Variants in BRCA1 observed in about 807,000 individuals in gnomAD.
BRCA1 encodes the protein breast cancer type 1 susceptibility protein.
Under a neutral mutation model 173.7 loss-of-function variants are expected in BRCA1, and 140 were observed. The ratio of observed to expected loss-of-function variants is 0.81; its 90% CI spans 0.70 to 0.93. The LOEUF is 0.93. BRCA1 is among the 40% of genes least tolerant of loss of function. The probability of loss-of-function intolerance (pLI) is 0.00; values close to 1 mark genes in which losing one functional copy is unlikely to be tolerated. For synonymous variants in BRCA1, 662 were observed against 756.0 expected, an observed-to-expected ratio of 0.88 and a Z score of 2.04; for missense variants, 1,983 against 2,172.5, an observed-to-expected ratio of 0.91 and a Z score of 1.73.
At chr17:43,100,651 A>T (rs2054391884) in intron 6 of BRCA1, among the ~76,000 whole-genome samples, 1 of 45,768 alleles carries the variant, frequency 2.2e-5, no homozygotes, top group Non-Finnish European at 3.6e-5. Context: ...TATAACATAT[A>T]TATAACATAT....
At chr17:43,050,412 T>C (rs920819066) in intron 20 of BRCA1, among the ~76,000 whole-genome samples, 2 of 151,402 alleles carry the variant, frequency 1.3e-5, no homozygotes, top group Non-Finnish European at 2.9e-5. Flanking sequence ...ATCGGGACCA[T>C]ATTGGCTAAC....
At chr17:43,168,237 C>T in intron 1 of BRCA1, 2 of 423,040 alleles carry the variant, frequency 4.7e-6, no homozygotes, top group East Asian at 8.0e-5. Flanking sequence ...ACGCAAACAG[C>T]AGATAAATCT....
intron 14 of BRCA1, among the ~76,000 whole-genome samples, chr17:43,073,794 A>T (rs2052560443): frequency 6.6e-6 from 1 of 151,828 alleles, no homozygotes; most frequent in African/African-American, 2.4e-5. Context: ...TTGCTCTGTC[A>T]CCCAGACTGG....
intron 12 of BRCA1, chr17:43,079,386 A>G (rs1567781500): frequency 3.8e-6 from 6 of 1,597,032 alleles, no homozygotes; most frequent in Non-Finnish European, 5.1e-6. Context: ...TCCTTTGGCC[A>G]TGTATATGCG....
At chr17:43,130,050 T>C (rs1394134687), upstream of BRCA1, among the ~76,000 whole-genome samples, 1 of 152,250 alleles carries the variant, frequency 6.6e-6, no homozygotes, top group Admixed American at 6.5e-5. Flanking sequence ...GTGCCTGATC[T>C]TCACAGACTT....
At chr17:43,047,771 A>AT (rs376647498) in intron 21 of BRCA1, 68 bp from the exon 22 acceptor site, 37 of 1,560,710 alleles carry the variant, frequency 2.4e-5, no homozygotes, top group East Asian at 4.5e-5. Context: ...TCACTTCATC[A>AT]TTTTTTTTGT....
In BRCA1 at chr17:43,082,586, G is replaced by A. The variant is rs80358080; in HGVS notation, c.4186-11C>T. The A allele has an allele frequency of 3.6e-5, 58 of 1,613,666 alleles. No individual in the cohort carries two copies. The highest frequency in any genetic ancestry group is 1.1e-5 in the South Asian group (1 of 91,080). ...CATGGTATCCCTCTGCTTCAAAAAC[G>A]ATAAATGGCACCAAGAAAATGAAAT... On this transcript the variant is annotated splice_polypyrimidine_tract_variant and intron_variant, in intron 11 of 22. Coordinates refer to ENST00000357654, the MANE Select transcript of BRCA1 (RefSeq NM_007294.4).
At chr17:43,129,174 C>CT (rs1567826676), upstream of BRCA1, among the ~76,000 whole-genome samples, 1 of 152,254 alleles carries the variant, frequency 6.6e-6, no homozygotes, top group East Asian at 1.9e-4. Flanking sequence ...ACCCAGCTAT[C>CT]TGACTCTACT....
chr17:43,082,358 G>T (rs1387217617), intron 12 of BRCA1, 46 bp downstream of exon 12: 2 of 1,588,742 alleles, frequency 1.3e-6, no homozygotes, highest in Middle Eastern at 3.3e-4. Flanking sequence ...AAAGGGGAAG[G>T]AAAGAATTTT....
upstream of BRCA1, among the ~76,000 whole-genome samples, chr17:43,130,095 T>C (rs763393637): frequency 2.6e-5 from 4 of 152,188 alleles, no homozygotes; most frequent in Non-Finnish European, 5.9e-5. Context: ...AATTGTAGTG[T>C]TTTACAGGGC....
At chr17:43,103,061 G>T (rs2054563250) in intron 6 of BRCA1, among the ~76,000 whole-genome samples, 1 of 152,032 alleles carries the variant, frequency 6.6e-6, no homozygotes, top group African/African-American at 2.4e-5. Flanking sequence ...ATGAGCCATG[G>T]CACCCAGCTG....
At chr17:43,056,938 A>G (rs2051487598) in intron 19 of BRCA1, 114 bp downstream of exon 19, 1 of 924,596 alleles carries the variant, frequency 1.1e-6, no homozygotes, top group African/African-American at 1.6e-5. Flanking sequence ...AGTATCTAGC[A>G]CTGTGTATGT....
At chr17:43,149,830 A>G (rs1028623096) in intron 1 of BRCA1, among the ~76,000 whole-genome samples, 1 of 151,882 alleles carries the variant, frequency 6.6e-6, no homozygotes, top group Non-Finnish European at 1.5e-5. Context: ...GCTCTGTCGC[A>G]CAGCCTGGAG....
chr17:43,059,367 G>A (rs1372031531), intron 18 of BRCA1, among the ~76,000 whole-genome samples: 2 of 152,124 alleles, frequency 1.3e-5, no homozygotes, highest in Admixed American at 1.3e-4. Flanking sequence ...GGGAGGCTGA[G>A]GCAGGAAAAT....
intron 16 of BRCA1, among the ~76,000 whole-genome samples, chr17:43,065,105 C>T (rs1274117842): frequency 6.6e-6 from 1 of 152,158 alleles, no homozygotes; most frequent in African/African-American, 2.4e-5. Context: ...GCTGGGATTA[C>T]AGGCCTGAGC....
intron 6 of BRCA1, among the ~76,000 whole-genome samples, chr17:43,101,012 T>C (rs931797741): frequency 6.7e-6 from 1 of 149,530 alleles, no homozygotes; most frequent in African/African-American, 2.5e-5. Flanking sequence ...ATTACAGCCA[T>C]GAGCCACCGT....
intron 11 of BRCA1, among the ~76,000 whole-genome samples, chr17:43,090,319 CCT>C (rs1307312426): frequency 6.6e-6 from 1 of 152,116 alleles, no homozygotes; most frequent in Non-Finnish European, 1.5e-5. Flanking sequence ...CTTTTTCTCA[CCT>C]CTCTTGATAC....
intron 3 of BRCA1, among the ~76,000 whole-genome samples, chr17:43,111,934 T>C (rs1400333681): frequency 2.9e-4 from 44 of 152,210 alleles, no homozygotes; most frequent in Non-Finnish European, 4.4e-5. Context: ...AATTAGAGTT[T>C]ATCCGTAGAA....
chr17:43,126,297 A>G (rs2055871708), upstream of BRCA1, among the ~76,000 whole-genome samples: 1 of 152,206 alleles, frequency 6.6e-6, no homozygotes, highest in Non-Finnish European at 1.5e-5. Flanking sequence ...GTTTTGAGGG[A>G]CAAGTGGTAA....
Sources: allele counts gnomAD v4.1 joint callset (sites outside exome capture counted in the v4.1 genomes callset), GRCh38; gene constraint gnomAD v4.1.1; transcripts MANE v1.5; gene names NCBI Gene and HGNC (gene_info 2026-07-23, HGNC 2026-07-21).